Variants in RIMS2 observed in about 807,000 individuals in gnomAD.
The protein encoded by RIMS2 is regulating synaptic membrane exocytosis 2.
A neutral mutation model predicts 174.4 loss-of-function variants in RIMS2; 59 were observed. That is an observed-to-expected ratio of 0.34 (90% CI 0.27 to 0.42). The LOEUF (loss-of-function observed/expected upper bound fraction) is 0.42, where lower values mean the gene tolerates loss of function less well. Among genes scored for constraint, RIMS2 ranks in the 10% least tolerant of loss-of-function variants. The probability of loss-of-function intolerance (pLI) is 1.00; values close to 1 mark genes in which losing one functional copy is unlikely to be tolerated. For synonymous variants in RIMS2, 606 were observed against 572.5 expected (o/e 1.06, Z -0.84); for missense variants, 1,620 against 1,666.3 (o/e 0.97, Z 0.48).
intron 1 of RIMS2, among the ~76,000 whole-genome samples, chr8:103,584,173 G>A (rs1443524960): frequency 1.3e-5 from 2 of 152,144 alleles, no homozygotes; most frequent in Non-Finnish European, 2.9e-5. Context: ...CAGGCCAGGA[G>A]CGAGTTGCAT....
chr8:104,122,935 G>T (rs1432997180), intron 19 of RIMS2, among the ~76,000 whole-genome samples: 1 of 152,014 alleles, frequency 6.6e-6, no homozygotes, highest in Non-Finnish European at 1.5e-5. Context: ...TGATTCTAAA[G>T]AAAGTTTTAT....
chr8:104,107,704 T>C (rs1286741179), intron 19 of RIMS2, among the ~76,000 whole-genome samples: 1 of 152,202 alleles, frequency 6.6e-6, no homozygotes, highest in Non-Finnish European at 1.5e-5. Flanking sequence ...TCCTAGCTCT[T>C]TGGGAGGCCA....
intron 14 of RIMS2, among the ~76,000 whole-genome samples, chr8:103,959,923 C>G (rs2089300947): frequency 6.6e-6 from 1 of 152,038 alleles, no homozygotes; most frequent in Non-Finnish European, 1.5e-5. Flanking sequence ...AATTGACACC[C>G]TAACATCACA....
At chr8:104,158,244 T>G (rs2098737465) in intron 19 of RIMS2, among the ~76,000 whole-genome samples, 1 of 152,228 alleles carries the variant, frequency 6.6e-6, no homozygotes, top group South Asian at 2.1e-4. Flanking sequence ...TTTTTATGGC[T>G]GCATAGTATT....
intron 14 of RIMS2, among the ~76,000 whole-genome samples, chr8:103,944,736 A>G (rs927843968): frequency 6.6e-6 from 1 of 152,064 alleles, no homozygotes; most frequent in African/African-American, 2.4e-5. Context: ...AAACTTACCC[A>G]TGGGTAATAT....
At chr8:103,769,990 C>T (rs2098231744) in intron 3 of RIMS2, among the ~76,000 whole-genome samples, 1 of 152,158 alleles carries the variant, frequency 6.6e-6, no homozygotes, top group African/African-American at 2.4e-5. Context: ...AATTTACATA[C>T]ACTTTTTTTT....
At chr8:103,610,143 G>T (rs1410496908) in intron 1 of RIMS2, among the ~76,000 whole-genome samples, 1 of 151,906 alleles carries the variant, frequency 6.6e-6, no homozygotes, top group East Asian at 1.9e-4. Flanking sequence ...GGACATTGTT[G>T]GTGTATAGGA....
intron 2 of RIMS2, among the ~76,000 whole-genome samples, chr8:103,758,587 G>T (rs1354802331): frequency 6.6e-6 from 1 of 152,066 alleles, no homozygotes; most frequent in African/African-American, 2.4e-5. Flanking sequence ...CATAAGACCT[G>T]TGCTCTTATT....
chr8:103,774,341 G>A (rs1314101431), intron 3 of RIMS2, among the ~76,000 whole-genome samples: 1 of 152,136 alleles, frequency 6.6e-6, no homozygotes, highest in Non-Finnish European at 1.5e-5. Flanking sequence ...ACTTAAGAGA[G>A]ATGAAATAAT....
intron 1 of RIMS2, among the ~76,000 whole-genome samples, chr8:103,513,342 T>A (rs1319374048): frequency 6.6e-6 from 1 of 152,214 alleles, no homozygotes; most frequent in African/African-American, 2.4e-5. Context: ...AGAAGTTAGT[T>A]AACTTCCTGC....
At chr8:103,573,618 T>C (rs920569762) in intron 1 of RIMS2, among the ~76,000 whole-genome samples, 1 of 152,218 alleles carries the variant, frequency 6.6e-6, no homozygotes, top group Non-Finnish European at 1.5e-5. Context: ...ATTATAGCCC[T>C]GTAGTACAGT....
chr8:103,547,623 C>T (rs1046628113), intron 1 of RIMS2, among the ~76,000 whole-genome samples: 3 of 152,108 alleles, frequency 2.0e-5, no homozygotes, highest in East Asian at 3.9e-4. Flanking sequence ...AGCAAACCAA[C>T]CCCAAAGCCA....
chr8:104,228,759 C>T (rs956833037), intron 19 of RIMS2, among the ~76,000 whole-genome samples: 1 of 152,160 alleles, frequency 6.6e-6, no homozygotes, highest in Non-Finnish European at 1.5e-5. Flanking sequence ...TAGACAGTTA[C>T]TATGGTTCTT....
intron 1 of RIMS2, among the ~76,000 whole-genome samples, chr8:103,639,146 A>AT (rs2096165308): frequency 6.6e-6 from 1 of 151,812 alleles, no homozygotes. Context: ...ATGTATTGTT[A>AT]TTTTTTGTCT....
intron 19 of RIMS2, among the ~76,000 whole-genome samples, chr8:104,153,638 G>A (rs10087022): frequency 0.018 from 2,682 of 152,160 alleles, 59 homozygotes; most frequent in African/African-American, 0.057. Context: ...GGAGTAATCC[G>A]CGGGTAGCAT....
intron 15 of RIMS2, among the ~76,000 whole-genome samples, chr8:103,962,816 C>T (rs964199526): frequency 4.6e-5 from 7 of 152,014 alleles, no homozygotes; most frequent in Admixed American, 3.9e-4. Flanking sequence ...AACTAGGGCA[C>T]GATACCTATT....
intron 19 of RIMS2, among the ~76,000 whole-genome samples, chr8:104,053,396 G>T (rs1283433373): frequency 6.6e-6 from 1 of 152,144 alleles, no homozygotes; most frequent in Admixed American, 6.6e-5. Flanking sequence ...AACTTGGAAT[G>T]ATAATGAATA....
At chr8:104,094,434 TG>T (rs1380185162) in intron 19 of RIMS2, 1 of 599,276 alleles carries the variant, frequency 1.7e-6, no homozygotes, top group Non-Finnish European at 3.0e-6. Context: ...TTTCTTTTTT[TG>T]TGTGTTTATT....
intron 15 of RIMS2, among the ~76,000 whole-genome samples, chr8:103,968,976 G>A (rs537936943): frequency 5.0e-4 from 76 of 152,024 alleles, no homozygotes; most frequent in Non-Finnish European, 9.3e-4. Flanking sequence ...AATTTCACAG[G>A]TCCTAGGATT....
Sources: allele counts gnomAD v4.1 joint callset (sites outside exome capture counted in the v4.1 genomes callset), GRCh38; gene constraint gnomAD v4.1.1; transcripts MANE v1.5; gene names NCBI Gene and HGNC (gene_info 2026-07-23, HGNC 2026-07-21).